Variants in VEPH1 observed in about 807,000 individuals in gnomAD.
VEPH1 encodes ventricular zone expressed PH domain containing 1, also known as ventricular zone-expressed PH domain-containing protein homolog 1.
Under a neutral mutation model 85.2 loss-of-function variants are expected in VEPH1, and 80 were observed. The ratio of observed to expected loss-of-function variants is 0.94; its 90% CI spans 0.78 to 1.13. The LOEUF (loss-of-function observed/expected upper bound fraction) is 1.13. Ranked by LOEUF, VEPH1 falls within the 50% of genes most tolerant of loss-of-function variation. VEPH1 has a pLI of 0.00. For missense variants in VEPH1, 955 were observed against 980.5 expected, an observed-to-expected ratio of 0.97 and a Z score of 0.35; for synonymous variants, 297 against 348.0, an observed-to-expected ratio of 0.85 and a Z score of 1.63.
At chr3:157,318,973 T>G (rs1721087370) in intron 9 of VEPH1, among the ~76,000 whole-genome samples, 1 of 152,114 alleles carries the variant, frequency 6.6e-6, no homozygotes, top group Non-Finnish European at 1.5e-5. Flanking sequence ...TGTTGAATTC[T>G]CTAGAGAATG....
At chr3:157,489,679 G>A (rs1428408934) in intron 2 of VEPH1, among the ~76,000 whole-genome samples, 1 of 147,930 alleles carries the variant, frequency 6.8e-6, no homozygotes, top group East Asian at 2.0e-4. Context: ...TTTATTTTCT[G>A]TCTTACCCAA....
intron 9 of VEPH1, among the ~76,000 whole-genome samples, chr3:157,360,860 A>G (rs1725981561): frequency 1.3e-5 from 2 of 152,176 alleles, no homozygotes; most frequent in African/African-American, 4.8e-5. Context: ...TTAACTCCTA[A>G]AATAGCTCAA....
At chr3:157,482,348 C>CA (rs1258275250) in intron 2 of VEPH1, among the ~76,000 whole-genome samples, 3 of 152,070 alleles carry the variant, frequency 2.0e-5, no homozygotes, top group Admixed American at 2.0e-4. Context: ...CTAAGCCTCC[C>CA]AAAATAGCTG....
At chr3:157,278,025 A>G (rs545421103) in intron 12 of VEPH1, among the ~76,000 whole-genome samples, 2 of 152,324 alleles carry the variant, frequency 1.3e-5, no homozygotes, top group South Asian at 2.1e-4. Flanking sequence ...GTACATATTT[A>G]TTGAGCATCT....
chr3:157,415,626 T>G (rs1731860944), intron 5 of VEPH1, among the ~76,000 whole-genome samples: 1 of 151,346 alleles, frequency 6.6e-6, no homozygotes, highest in Non-Finnish European at 1.5e-5. Context: ...TACAGTCACT[T>G]GCCCTTTTTT....
chr3:157,468,581 A>T (rs1274181651), intron 3 of VEPH1, among the ~76,000 whole-genome samples: 1 of 152,050 alleles, frequency 6.6e-6, no homozygotes, highest in African/African-American at 2.4e-5. Context: ...TCTCAAAATA[A>T]TAATAATAAT....
intron 2 of VEPH1, among the ~76,000 whole-genome samples, chr3:157,473,844 T>C (rs1367964225): frequency 6.6e-6 from 1 of 152,172 alleles, no homozygotes; most frequent in African/African-American, 2.4e-5. Flanking sequence ...GAATAAATTG[T>C]GAATTTCATT....
intron 7 of VEPH1, among the ~76,000 whole-genome samples, chr3:157,376,558 A>T (rs577360344): frequency 1.5e-3 from 235 of 152,360 alleles, no homozygotes; most frequent in African/African-American, 5.4e-3. Flanking sequence ...AATTTAAAAA[A>T]TATAAATGCT....
At chr3:157,492,232 A>T (rs1342174449) in intron 2 of VEPH1, among the ~76,000 whole-genome samples, 30 of 152,208 alleles carry the variant, frequency 2.0e-4, no homozygotes, top group Admixed American at 2.0e-3. Context: ...TAATCAATAA[A>T]AGTATTTCTT....
intron 4 of VEPH1, among the ~76,000 whole-genome samples, chr3:157,451,462 TACTTAA>T (rs777499603): frequency 1.9e-4 from 29 of 152,290 alleles, no homozygotes; most frequent in African/African-American, 1.9e-4. Context: ...AATAAATGTG[TACTTAA>T]ACTTAATGTA....
At chr3:157,346,203 A>G (rs1724204516) in intron 9 of VEPH1, among the ~76,000 whole-genome samples, 1 of 152,220 alleles carries the variant, frequency 6.6e-6, no homozygotes, top group Admixed American at 6.5e-5. Flanking sequence ...TCATTATGGC[A>G]GTCTGGGTAT....
chr3:157,384,342 C>T (rs1729073119), intron 6 of VEPH1, among the ~76,000 whole-genome samples: 1 of 152,130 alleles, frequency 6.6e-6, no homozygotes, highest in African/African-American at 2.4e-5. Flanking sequence ...TAGGAAGATA[C>T]AGGAACTGAA....
At chr3:157,460,486 G>T in intron 3 of VEPH1, 131 bp from the exon 4 acceptor site, 1 of 1,187,774 alleles carries the variant, frequency 8.4e-7, no homozygotes, top group Non-Finnish European at 1.1e-6. Context: ...GCCTTGCCCT[G>T]TTTATATTGT....
At chr3:157,497,198 T>C (rs1278771366) in intron 1 of VEPH1, among the ~76,000 whole-genome samples, 1 of 152,168 alleles carries the variant, frequency 6.6e-6, no homozygotes, top group Non-Finnish European at 1.5e-5. Context: ...GCATTATTAA[T>C]ATTAATGATG....
chr3:157,451,983 T>C (rs1336439035), intron 4 of VEPH1, among the ~76,000 whole-genome samples: 9 of 152,220 alleles, frequency 5.9e-5, no homozygotes. Context: ...ACACAGAGTA[T>C]GGCAGAAATT....
intron 11 of VEPH1, among the ~76,000 whole-genome samples, chr3:157,290,356 C>A (rs1340595751): frequency 6.6e-6 from 1 of 152,160 alleles, no homozygotes; most frequent in Admixed American, 6.5e-5. Context: ...CCCTGTGAGA[C>A]CCTGAATGGA....
chr3:157,490,173 A>G (rs923722881), intron 2 of VEPH1, among the ~76,000 whole-genome samples: 1 of 152,006 alleles, frequency 6.6e-6, no homozygotes, highest in African/African-American at 2.4e-5. Context: ...CAGTTAAGAT[A>G]CTGATAGAAT....
intron 9 of VEPH1, among the ~76,000 whole-genome samples, chr3:157,358,073 CT>C (rs1402656254): frequency 6.6e-6 from 1 of 152,138 alleles, no homozygotes; most frequent in East Asian, 1.9e-4. Context: ...TGCAGAGAGT[CT>C]TTTCAAAAGG....
intron 9 of VEPH1, among the ~76,000 whole-genome samples, chr3:157,349,459 T>G (rs1724603612): frequency 6.6e-6 from 1 of 152,178 alleles, no homozygotes; most frequent in African/African-American, 2.4e-5. Flanking sequence ...AGCATTTTCT[T>G]TAAGAACTGG....
Sources: gnomAD v4.1 joint callset for allele counts (sites outside exome capture counted in the v4.1 genomes callset) on GRCh38, gnomAD v4.1.1 for gene constraint, MANE v1.5 for transcripts, NCBI Gene and HGNC (gene_info 2026-07-23, HGNC 2026-07-21) for gene names.